Variants in CSTF3 observed in about 807,000 individuals in gnomAD.
The protein encoded by CSTF3 is CF-1 77 kDa subunit.
A neutral mutation model predicts 105.8 loss-of-function variants in CSTF3; 29 were observed. The observed-to-expected ratio is 0.27, with a 90% CI of 0.20 to 0.37. The LOEUF (loss-of-function observed/expected upper bound fraction) is 0.37, where lower values mean the gene tolerates loss of function less well. Ranked by LOEUF, CSTF3 falls within the 10% of genes least tolerant of loss-of-function variation. The probability of loss-of-function intolerance (pLI) is 1.00; values close to 1 mark genes in which losing one functional copy is unlikely to be tolerated. For synonymous variants in CSTF3, 252 were observed against 281.9 expected (o/e 0.89, Z 1.06); for missense variants, 357 against 879.3 (o/e 0.41, Z 7.51).
chr11:33,113,011 C>T (rs1855395056), intron 3 of CSTF3, among the ~76,000 whole-genome samples: 1 of 151,650 alleles, frequency 6.6e-6, no homozygotes, highest in African/African-American at 2.4e-5. Flanking sequence ...AATTCAAGAC[C>T]AGCCTGGCCA....
chr11:33,099,289 C>A lies in CSTF3; in HGVS notation c.937-139G>T, dbSNP rs1855256234. ...TGTATGTACACACATATATATGTAT[C>A]CACACACACACATACATAAACACAT... is the stretch of plus-strand genomic sequence containing the variant. On this transcript the variant is annotated intron_variant, in intron 11 of 20. Coordinates refer to ENST00000323959, the MANE Select transcript of CSTF3 (RefSeq NM_001326.3). The surrounding 1 kb of genome is among the most constrained non-coding windows in gnomAD (Gnocchi z 4.1). 3.8e-6 allele frequency: 4 copies of A among 1,051,372 alleles called. No individual in the cohort carries two copies. The South Asian group carries it at 5.1e-5, about 13-fold the overall frequency. The allele number at this position is 1,051,372 out of a possible 1,614,324, so 65.1% of individuals were successfully genotyped here.
chr11:33,090,596 T>C lies in CSTF3; in HGVS notation c.1577A>G (p.Asp526Gly). The C allele has an allele frequency of 1.2e-6, 2 of 1,611,400 alleles. No homozygotes were observed. Among genetic ancestry groups the C allele is most frequent in the Non-Finnish European group, 1.7e-6 (2 of 1,179,180 alleles). The part of the protein sequence containing the change: ...YEGKETALLV[D>G]RYKFMDLYPC... ...ATATAAATCCATGAACTTGTATCTA[T>C]CTACTAGTAAAGCCGTTTCTTTCCC... Residue 526 changes from aspartate to glycine, a missense_variant, in exon 17 of 21, where the codon GAT (aspartate) becomes GGT (glycine). Physicochemically the swap from Asp to Gly is moderately conservative, Grantham distance 94. This residue lies in a region of CSTF3 where 206 missense variants were observed against 576.5 expected (regional missense o/e 0.36). Transcript: ENST00000323959.
chr11:33,087,596 T>TGCTAATGCAATGAAAAATTATTTCCA (rs1470483390), intron 17 of CSTF3, among the ~76,000 whole-genome samples: 1 of 152,246 alleles, frequency 6.6e-6, no homozygotes, highest in East Asian at 1.9e-4. Context: ...GTTAAGATTT[T>TGCTAATGCAATGAAAAATTATTTCCA]GCTAATGCAA....
At chr11:33,124,355 T>C (rs1226197088) in intron 3 of CSTF3, among the ~76,000 whole-genome samples, 1 of 152,030 alleles carries the variant, frequency 6.6e-6, no homozygotes, top group Non-Finnish European at 1.5e-5. Context: ...TCCAACCAAG[T>C]CAAAGGGTTA....
chr11:33,140,180 A>G (rs1326512815), intron 3 of CSTF3, among the ~76,000 whole-genome samples: 7 of 152,194 alleles, frequency 4.6e-5, no homozygotes, highest in Admixed American at 2.0e-4. Flanking sequence ...AATGCAGATC[A>G]GGTGCAGGTG....
intron 1 of CSTF3, among the ~76,000 whole-genome samples, chr11:33,144,413 A>T (rs1855753472): frequency 6.6e-6 from 1 of 152,214 alleles, no homozygotes; most frequent in African/African-American, 2.4e-5. Context: ...TTTATAAGGG[A>T]CTATTGGCTC....
At chr11:33,158,045 T>C (rs1415786956) in intron 1 of CSTF3, among the ~76,000 whole-genome samples, 1 of 152,304 alleles carries the variant, frequency 6.6e-6, no homozygotes, top group African/African-American at 2.4e-5. Context: ...TGAAGCTGAA[T>C]ACAGTATCTA....
At chr11:33,117,103 A>G (rs1427065458) in intron 3 of CSTF3, among the ~76,000 whole-genome samples, 1 of 151,842 alleles carries the variant, frequency 6.6e-6, no homozygotes, top group Non-Finnish European at 1.5e-5. Flanking sequence ...TGTCATTTGT[A>G]AAAAAAACTT....
At chr11:33,142,150 C>T (rs1003208970) in intron 1 of CSTF3, among the ~76,000 whole-genome samples, 164 bp from the exon 2 acceptor site, 2 of 152,054 alleles carry the variant, frequency 1.3e-5, no homozygotes. Context: ...TGTGTACAAT[C>T]GTCCTTCCTT....
At chr11:33,114,359 C>T (rs113760664) in intron 3 of CSTF3, among the ~76,000 whole-genome samples, 314 of 151,992 alleles carry the variant, frequency 2.1e-3, no homozygotes, top group Admixed American at 3.8e-3. Context: ...ATGTAAGTGC[C>T]GACAAAATTC....
intron 3 of CSTF3, among the ~76,000 whole-genome samples, chr11:33,117,955 T>C (rs1373134605): frequency 1.3e-5 from 2 of 151,956 alleles, no homozygotes; most frequent in Non-Finnish European, 2.9e-5. Context: ...ACTGGAAGGA[T>C]TGAGACAATT....
intron 1 of CSTF3, among the ~76,000 whole-genome samples, chr11:33,153,711 AC>A (rs1192622773): frequency 1.6e-4 from 17 of 105,682 alleles, no homozygotes; most frequent in Non-Finnish European, 3.7e-4. Context: ...GGTAAAACAG[AC>A]AAAAAAAAAA....
chr11:33,145,454 A>C (rs965016843), intron 1 of CSTF3, among the ~76,000 whole-genome samples: 7 of 152,132 alleles, frequency 4.6e-5, no homozygotes, highest in Non-Finnish European at 4.4e-5. Context: ...AAAAATTTAA[A>C]AATAAAAAAA....
intron 15 of CSTF3, among the ~76,000 whole-genome samples, chr11:33,095,572 A>G (rs1354708392): frequency 1.3e-5 from 2 of 152,096 alleles, no homozygotes; most frequent in African/African-American, 4.8e-5. Flanking sequence ...CTGTAATCCC[A>G]GCACTTTGGG....
Position 33,098,694 on chromosome 11 carries a change from G to A in CSTF3, c.1124C>T (p.Thr375Ile), listed in dbSNP as rs1458908357. 6.3e-7 allele frequency: 1 copy of A among 1,575,378 alleles called. No homozygotes were observed. Among genetic ancestry groups the A allele is most frequent in the Non-Finnish European group, 8.6e-7 (1 of 1,159,188 alleles). Reference sequence around the variant, plus strand: ...AAGATTTGTAAAGTTACTCACCAAGGTAGGGTCAATATCCTCAATTGCCAG... The same window carrying A: ...AAGATTTGTAAAGTTACTCACCAAGATAGGGTCAATATCCTCAATTGCCAG... ...RLLAIEDIDPTLVYIQYMKFA... is the reference protein window; with the variant it reads ...RLLAIEDIDPILVYIQYMKFA... The change falls in exon 13 of 21, where the codon ACC (threonine) becomes ATC (isoleucine). Residue 375 changes from threonine (T) to isoleucine (I), a missense_variant. Thr to Ile is a moderately conservative substitution (Grantham distance 89). Coordinates refer to ENST00000323959, the MANE Select transcript of CSTF3 (RefSeq NM_001326.3).
At position 33,102,351 on chromosome 11, in the gene CSTF3, G is replaced by A; in HGVS notation, c.664-12C>T. Reference sequence around the variant, plus strand: ...ACTGTCTCATATTCCTAGACAACAAGGATTTAGAATTCTTTGGTGAGCCAG... The same window carrying A: ...ACTGTCTCATATTCCTAGACAACAAAGATTTAGAATTCTTTGGTGAGCCAG... On this transcript the variant is annotated splice_polypyrimidine_tract_variant and intron_variant, in intron 9 of 20. Transcript: ENST00000323959. 1 of 1,613,410 alleles carries A rather than the reference G, an allele frequency of 6.2e-7. No homozygotes were observed. Among genetic ancestry groups the A allele is most frequent in the Non-Finnish European group, 8.5e-7 (1 of 1,179,556 alleles).
chr11:33,096,163 T>TAC, intron 15 of CSTF3, 143 bp downstream of exon 15: 2 of 546,764 alleles, frequency 3.7e-6, no homozygotes, highest in Non-Finnish European at 6.3e-6. Flanking sequence ...ATGGTTGATA[T>TAC]ACCACAAGTA....
At chr11:33,136,061 A>T (rs1202721294) in intron 3 of CSTF3, 1 of 152,522 alleles carries the variant, frequency 6.6e-6, no homozygotes, top group Non-Finnish European at 1.5e-5. Context: ...TAACACTTGC[A>T]AATAGAAAAT....
At chr11:33,095,517 T>C (rs1006174835) in intron 15 of CSTF3, among the ~76,000 whole-genome samples, 3 of 152,134 alleles carry the variant, frequency 2.0e-5, no homozygotes, top group African/African-American at 2.4e-5. Flanking sequence ...TACAACAGAA[T>C]AGGGAAATAA....
Sources: allele counts gnomAD v4.1 joint callset (sites outside exome capture counted in the v4.1 genomes callset), GRCh38; gene constraint gnomAD v4.1.1; regional missense constraint gnomAD v4.1.1; non-coding constraint Gnocchi (gnomAD v3.1); transcripts MANE v1.5; gene names NCBI Gene and HGNC (gene_info 2026-07-23, HGNC 2026-07-21).